TENT5D: variants seen among roughly 807,000 people sequenced by gnomAD.
TENT5D encodes the protein terminal nucleotidyltransferase 5D.
For missense variants in TENT5D, 191 were observed against 287.0 expected, an observed-to-expected ratio of 0.67 and a Z score of 2.42; for synonymous variants, 103 against 100.6, an observed-to-expected ratio of 1.02 and a Z score of -0.15.
chrX:80,341,137 T>G (rs1406240440), intron 2 of TENT5D, among the ~76,000 whole-genome samples: 2 of 112,373 alleles, frequency 1.8e-5, no homozygotes, highest in African/African-American at 6.5e-5. Context: ...AATCATTCAT[T>G]TGTGACTATG....
chrX:80,356,386 GT>G (rs1364401566), intron 3 of TENT5D, among the ~76,000 whole-genome samples: 1 of 111,659 alleles, frequency 9.0e-6, no homozygotes, highest in African/African-American at 3.3e-5. Flanking sequence ...AAAATGACGA[GT>G]GTAAAATAGT....
In TENT5D at chrX:80,385,838, G is replaced by T. The variant is rs1453477718; in HGVS notation, c.-142+43274G>T. ...CATGAAAAAATGCTCATCATCACTG[G>T]CCATCAGAGAAATGCAAATCAAAAC... On this transcript the variant is annotated intron_variant, in intron 3 of 4. Coordinates refer to the TENT5D transcript ENST00000538312. 2.7e-5 allele frequency among the ~76,000 whole-genome samples: 3 copies of T among 112,386 alleles called. No homozygotes were observed. The Admixed American group carries it at 2.8e-4, about 11-fold the overall frequency.
intron 3 of TENT5D, among the ~76,000 whole-genome samples, chrX:80,406,927 G>C (rs1374577128): frequency 9.6e-6 from 1 of 103,868 alleles, no homozygotes; most frequent in East Asian, 3.0e-4. Context: ...CAAGCCAGAA[G>C]AGAGTGGCGG....
chrX:80,399,395 TTC>T (rs1225988068), intron 3 of TENT5D, among the ~76,000 whole-genome samples: 1 of 112,363 alleles, frequency 8.9e-6, no homozygotes, highest in Non-Finnish European at 1.9e-5. Context: ...ATTCTTGGCA[TTC>T]TTTTAGAAAA....
At chrX:80,348,466 T>G (rs762577896) in intron 3 of TENT5D, among the ~76,000 whole-genome samples, 2 of 111,595 alleles carry the variant, frequency 1.8e-5, no homozygotes, top group African/African-American at 6.5e-5. Flanking sequence ...TGGCTCTCTG[T>G]TTGTGGTGTA....
intron 3 of TENT5D, among the ~76,000 whole-genome samples, chrX:80,369,682 C>T (rs764146686): frequency 8.9e-6 from 1 of 111,735 alleles, no homozygotes; most frequent in Non-Finnish European, 1.9e-5. Flanking sequence ...GTTAATCCTC[C>T]ATACTTATAG....
Position 80,349,588 on chromosome X carries a change from T to A in TENT5D, c.-142+7024T>A, listed in dbSNP as rs890403413. Reference sequence around the variant, plus strand: ...CTAGTGGTCTATTTTGTTAATCTTTTAAAAAAAAACAAGCTCCTGGAATCA... The same window carrying A: ...CTAGTGGTCTATTTTGTTAATCTTTAAAAAAAAAACAAGCTCCTGGAATCA... On this transcript the variant is annotated intron_variant, in intron 3 of 4. Coordinates refer to the TENT5D transcript ENST00000538312. 1.1e-4 allele frequency among the ~76,000 whole-genome samples: 12 copies of A among 109,811 alleles called. No homozygotes were observed. In the South Asian group the frequency reaches 1.2e-3, roughly 11 times the overall value.
At chrX:80,402,855 G>A (rs1382824270) in intron 3 of TENT5D, among the ~76,000 whole-genome samples, 1 of 111,722 alleles carries the variant, frequency 9.0e-6, no homozygotes, top group East Asian at 2.8e-4. Context: ...TGTGTATTCT[G>A]TTGCCATTAG....
chrX:80,397,883 A>G (rs1931313390), intron 3 of TENT5D, among the ~76,000 whole-genome samples: 1 of 111,723 alleles, frequency 9.0e-6, no homozygotes, highest in South Asian at 3.8e-4. Context: ...GCAGCAGTAC[A>G]GTCCAGCTTC....
At chrX:80,444,233 A>T (rs1305778597) in exon 3 of TENT5D, 1 of 123,050 alleles carries the variant, frequency 8.1e-6, no homozygotes, top group African/African-American at 3.3e-5. Context: ...GATTCAGAAG[A>T]CATTAAAACC....
At chrX:80,418,801 T>C (rs1001371429), upstream of TENT5D, among the ~76,000 whole-genome samples, 6 of 111,824 alleles carry the variant, frequency 5.4e-5, no homozygotes, top group Non-Finnish European at 1.1e-4. Flanking sequence ...ATGTAGTACT[T>C]TACAGAATTC....
intron 3 of TENT5D, among the ~76,000 whole-genome samples, chrX:80,407,399 G>A (rs1371409590): frequency 2.7e-5 from 3 of 109,905 alleles, no homozygotes; most frequent in African/African-American, 9.9e-5. Flanking sequence ...TAAAAGGATG[G>A]AGGAAGATCT....
intron 1 of TENT5D, 142 bp from the exon 2 acceptor site, chrX:80,438,468 G>A (rs928098655): frequency 4.8e-5 from 5 of 105,007 alleles, no homozygotes; most frequent in African/African-American, 1.7e-4. Context: ...TCTTCTGTGT[G>A]TATGTATGCG....
intron 3 of TENT5D, among the ~76,000 whole-genome samples, chrX:80,351,030 G>A (rs988298615): frequency 1.8e-5 from 2 of 111,551 alleles, no homozygotes; most frequent in South Asian, 3.8e-4. Flanking sequence ...TCTGATGGGC[G>A]TACCTTTGTA....
intron 3 of TENT5D, among the ~76,000 whole-genome samples, chrX:80,411,794 A>G (rs888455889): frequency 1.7e-4 from 19 of 112,326 alleles, no homozygotes; most frequent in Non-Finnish European, 5.6e-5. Context: ...CATTTATTCC[A>G]TTACATTTAC....
chrX:80,356,237 A>G (rs1930281338), intron 3 of TENT5D, among the ~76,000 whole-genome samples: 1 of 112,215 alleles, frequency 8.9e-6, no homozygotes. Context: ...TAGTTTATTT[A>G]CAACAGACAA....
intron 3 of TENT5D, among the ~76,000 whole-genome samples, chrX:80,409,424 C>G (rs1239935521): frequency 9.0e-6 from 1 of 111,117 alleles, no homozygotes; most frequent in Non-Finnish European, 1.9e-5. Flanking sequence ...AATCAATGTA[C>G]AAAAATCACA....
intron 1 of TENT5D, among the ~76,000 whole-genome samples, chrX:80,430,297 A>G (rs1369809838): frequency 1.8e-5 from 2 of 111,522 alleles, no homozygotes; most frequent in Non-Finnish European, 3.8e-5. Flanking sequence ...TACCATGTCC[A>G]TTGGTCATTT....
intron 3 of TENT5D, among the ~76,000 whole-genome samples, chrX:80,404,480 G>A (rs1211261902): frequency 9.0e-6 from 1 of 111,604 alleles, no homozygotes; most frequent in East Asian, 2.8e-4. Flanking sequence ...TGACACAGGG[G>A]CCCGCATGCT....
Sources: allele counts gnomAD v4.1 joint callset (sites outside exome capture counted in the v4.1 genomes callset), GRCh38; gene constraint gnomAD v4.1.1; transcripts MANE v1.5; gene names NCBI Gene and HGNC (gene_info 2026-07-23, HGNC 2026-07-21).